Variants in CNBD2 observed in about 807,000 individuals in gnomAD.
CNBD2 encodes the protein cyclic nucleotide binding domain containing 2, also known as cyclic nucleotide-binding domain-containing protein 2.
A neutral mutation model predicts 63.7 loss-of-function variants in CNBD2; 64 were observed. The observed-to-expected ratio is 1.00, with a 90% CI of 0.82 to 1.24. The LOEUF is 1.24. CNBD2 is among the 50% of genes most tolerant of loss of function. CNBD2 has a pLI of 0.00. For missense variants in CNBD2, 691 were observed against 713.5 expected (o/e 0.97, Z 0.36); for synonymous variants, 229 against 255.4 (o/e 0.90, Z 0.99).
intron 4 of CNBD2, among the ~76,000 whole-genome samples, chr20:35,983,534 A>G (rs146547165): frequency 1.6e-3 from 241 of 152,262 alleles, no homozygotes; most frequent in African/African-American, 5.6e-3. Flanking sequence ...CAGACAAGAG[A>G]AACCAAGGAT....
intron 10 of CNBD2, among the ~76,000 whole-genome samples, chr20:36,022,260 G>A (rs1387857048): frequency 2.8e-5 from 4 of 142,160 alleles, no homozygotes; most frequent in African/African-American, 8.0e-5. Context: ...GTGCAGTGGC[G>A]CAATTTTGGC....
intron 7 of CNBD2, among the ~76,000 whole-genome samples, chr20:35,988,392 A>C (rs2056698293): frequency 6.6e-6 from 1 of 151,590 alleles, no homozygotes; most frequent in Non-Finnish European, 1.5e-5. Context: ...GCTGGTTTCA[A>C]ACTCATGGCC....
At chr20:35,988,060 G>C (rs2056693202) in intron 7 of CNBD2, among the ~76,000 whole-genome samples, 1 of 152,094 alleles carries the variant, frequency 6.6e-6, no homozygotes, top group Non-Finnish European at 1.5e-5. Flanking sequence ...AGTAGAGACG[G>C]GGTTTCACCA....
chr20:36,023,272 C>G (rs1183806419), intron 10 of CNBD2, among the ~76,000 whole-genome samples: 1 of 152,134 alleles, frequency 6.6e-6, no homozygotes, highest in Non-Finnish European at 1.5e-5. Flanking sequence ...CGCCTGTAAT[C>G]CCAGCACTTT....
At chr20:36,004,709 T>A (rs954594543) in intron 8 of CNBD2, among the ~76,000 whole-genome samples, 3 of 152,010 alleles carry the variant, frequency 2.0e-5, no homozygotes, top group African/African-American at 7.2e-5. Context: ...ACTATAGGCA[T>A]GAGCCACCAC....
chr20:36,013,349 T>C (rs1466739552), intron 10 of CNBD2, among the ~76,000 whole-genome samples: 1 of 151,600 alleles, frequency 6.6e-6, no homozygotes, highest in Non-Finnish European at 1.5e-5. Flanking sequence ...ACCCGGGAGT[T>C]GGAGCTTGCA....
intron 8 of CNBD2, 129 bp downstream of exon 8, chr20:35,995,281 A>G (rs2147274453): frequency 3.5e-6 from 2 of 577,362 alleles, no homozygotes; most frequent in Middle Eastern, 4.4e-4. Context: ...CCCTTCTACC[A>G]GCGGTGGAAA....
intron 1 of CNBD2, among the ~76,000 whole-genome samples, chr20:35,969,193 A>G (rs2056378113): frequency 6.6e-6 from 1 of 152,216 alleles, no homozygotes; most frequent in Non-Finnish European, 1.5e-5. Flanking sequence ...ACCCCAGGCA[A>G]GTTGCTTGGT....
chr20:35,975,863 TCC>T, intron 2 of CNBD2, 84 bp from the exon 3 acceptor site: 1 of 1,232,066 alleles, frequency 8.1e-7, no homozygotes, highest in East Asian at 2.4e-5. Flanking sequence ...ACCATGGTGG[TCC>T]AGGTAGACAG....
chr20:35,959,198 A>G (rs2056286635), downstream of CNBD2: 1 of 152,236 alleles, frequency 6.6e-6, no homozygotes, highest in Admixed American at 6.5e-5. Flanking sequence ...GAACTGGTGC[A>G]GGGTTTGGCA....
chr20:36,030,607 A>T lies in CNBD2; in HGVS notation c.1690A>T (p.Ile564Phe). The change falls in exon 12 of 12, where the codon ATC (isoleucine) becomes TTC (phenylalanine). Residue 564 changes from isoleucine (I) to phenylalanine (F), a missense_variant. By Grantham distance (21) the Ile-to-Phe change is conservative. Coordinates refer to ENST00000373973, the MANE Select transcript of CNBD2 (RefSeq NM_001365709.1). Reference protein sequence around the residue: ...YLPPLRIVQAIKAPRYKIREL... With the variant: ...YLPPLRIVQAFKAPRYKIREL... ...CCCCCCATTGAGGATTGTCCAAGCC[A>T]TCAAAGCACCTCGGTACAAAATCCG... is the stretch of plus-strand genomic sequence containing the variant. 1 of 1,614,194 alleles carries T rather than the reference A, an allele frequency of 6.2e-7. No individual in the cohort carries two copies. The highest frequency in any genetic ancestry group is 8.5e-7 in the Non-Finnish European group (1 of 1,180,034).
intron 9 of CNBD2, among the ~76,000 whole-genome samples, chr20:36,009,670 A>G (rs151137022): frequency 0.031 from 4,686 of 152,040 alleles, 139 homozygotes; most frequent in African/African-American, 0.077. Context: ...CGTCTCTACT[A>G]AAAATACAAA....
intron 9 of CNBD2, among the ~76,000 whole-genome samples, chr20:36,009,371 T>C (rs1407255463): frequency 6.6e-6 from 1 of 151,866 alleles, no homozygotes; most frequent in Admixed American, 6.6e-5. Flanking sequence ...CTGGCTAATT[T>C]TTTTGTATTT....
chr20:36,019,438 C>T (rs933814725), intron 10 of CNBD2, among the ~76,000 whole-genome samples: 1 of 150,148 alleles, frequency 6.7e-6, no homozygotes, highest in Non-Finnish European at 1.5e-5. Context: ...CAGGAGGATC[C>T]CTTGAGCCCA....
chr20:36,009,537 G>A, intron 9 of CNBD2, among the ~76,000 whole-genome samples: 1 of 149,796 alleles, frequency 6.7e-6, no homozygotes, highest in Admixed American at 6.7e-5. Context: ...AAAAGAAAAA[G>A]AAAAAGGAAA....
intron 1 of CNBD2, among the ~76,000 whole-genome samples, chr20:35,971,399 T>TA: frequency 6.6e-6 from 1 of 152,158 alleles, no homozygotes; most frequent in East Asian, 1.9e-4. Flanking sequence ...TAATATTATC[T>TA]AATGTACAGT....
At chr20:35,968,923 C>G in intron 1 of CNBD2, 110 bp downstream of exon 1, 1 of 791,704 alleles carries the variant, frequency 1.3e-6, no homozygotes, top group Admixed American at 2.2e-5. Flanking sequence ...TGGTGGCCAT[C>G]CTGTACCTTT....
chr20:35,974,763 A>C (rs1042762945), intron 2 of CNBD2: 2 of 152,224 alleles, frequency 1.3e-5, no homozygotes, highest in African/African-American at 4.8e-5. Context: ...CACTCCAGAC[A>C]CGGAATTGGG....
intron 1 of CNBD2, among the ~76,000 whole-genome samples, 158 bp downstream of exon 1, chr20:35,968,971 C>T (rs530597845): frequency 1.3e-5 from 2 of 152,270 alleles, no homozygotes; most frequent in African/African-American, 4.8e-5. Flanking sequence ...GACCCCTGCC[C>T]TGTAGCCTAC....
Sources: allele counts gnomAD v4.1 joint callset (sites outside exome capture counted in the v4.1 genomes callset), GRCh38; gene constraint gnomAD v4.1.1; transcripts MANE v1.5; gene names NCBI Gene and HGNC (gene_info 2026-07-23, HGNC 2026-07-21).